SEMA4D: variants seen among roughly 807,000 people sequenced by gnomAD.
SEMA4D encodes semaphorin 4D.
Under a neutral mutation model 74.8 loss-of-function variants are expected in SEMA4D, and 22 were observed. The observed-to-expected ratio is 0.29, with a 90% CI of 0.21 to 0.42. SEMA4D has a LOEUF of 0.42. SEMA4D is among the 10% of genes least tolerant of loss of function. SEMA4D has a pLI of 1.00. For synonymous variants in SEMA4D, 445 were observed against 463.7 expected (o/e 0.96, Z 0.52); for missense variants, 937 against 1,118.4 (o/e 0.84, Z 2.31).
intron 2 of SEMA4D, chr9:89,449,909 C>A: frequency 6.9e-7 from 1 of 1,439,086 alleles, no homozygotes; most frequent in African/African-American, 1.4e-5. Context: ...TGAATGGCTT[C>A]ATCACTAATG....
chr9:89,494,332 C>T (rs1001020788), intron 1 of SEMA4D, among the ~76,000 whole-genome samples: 2 of 152,196 alleles, frequency 1.3e-5, no homozygotes, highest in African/African-American at 4.8e-5. Flanking sequence ...TTCACACACG[C>T]CCCACCCTTT....
intron 1 of SEMA4D, among the ~76,000 whole-genome samples, chr9:89,462,975 G>GGAGCGAGC (rs761199334): frequency 8.6e-6 from 1 of 116,638 alleles, no homozygotes; most frequent in East Asian, 2.1e-4. Flanking sequence ...CGAGGGGAGG[G>GGAGCGAGC]GAGCGAGGGA....
intron 2 of SEMA4D, among the ~76,000 whole-genome samples, chr9:89,454,884 C>T (rs980399626): frequency 6.6e-6 from 1 of 152,238 alleles, no homozygotes; most frequent in Non-Finnish European, 1.5e-5. Flanking sequence ...AGGCGTGTGC[C>T]TAGCACGGGT....
chr9:89,365,536 G>GT, intron 16 of SEMA4D: 1 of 152,268 alleles, frequency 6.6e-6, no homozygotes, highest in East Asian at 1.9e-4. Flanking sequence ...TTGGTCTTTA[G>GT]AAGTTAGATT....
chr9:89,420,928 T>C (rs1338370878), intron 2 of SEMA4D, among the ~76,000 whole-genome samples: 3 of 152,254 alleles, frequency 2.0e-5, no homozygotes, highest in Non-Finnish European at 4.4e-5. Context: ...GTTTAAGCAC[T>C]GGGAGGCATT....
chr9:89,368,082 C>G (rs1037608455), intron 16 of SEMA4D: 1 of 152,516 alleles, frequency 6.6e-6, no homozygotes, highest in Non-Finnish European at 1.5e-5. Flanking sequence ...CTGAGTTGCT[C>G]GGGCCCATCC....
chr9:89,420,888 T>G (rs1398525696), intron 2 of SEMA4D, among the ~76,000 whole-genome samples: 2 of 152,254 alleles, frequency 1.3e-5, no homozygotes, highest in Non-Finnish European at 2.9e-5. Flanking sequence ...CAGTTAATGC[T>G]TCCTAGTGCT....
rs748817564 is a variant in SEMA4D at position 89,402,924 on chromosome 9, G to C, written c.199C>G (p.Arg67Gly). 6.2e-7 allele frequency: 1 copy of C among 1,614,124 alleles called. No individual in the cohort carries two copies. Among genetic ancestry groups the C allele is most frequent in the Admixed American group, 1.7e-5 (1 of 60,028 alleles). Residue 67 changes from arginine (R) to glycine (G), a missense_variant, in exon 4 of 16, where the codon CGG becomes GGG. Coordinates refer to ENST00000422704, the MANE Select transcript of SEMA4D (RefSeq NM_001371194.2). ...EDKDTLYIGA[R>G]EAVFAVNALN... is the part of the protein sequence containing the mutation. ...GCGTTCACAGCGAAGACCGCCTCCC[G>C]GGCACCTATGTACAAGGTGTCCTTG... is the stretch of plus-strand genomic sequence containing the variant.
intron 2 of SEMA4D, chr9:89,450,611 T>G (rs1334496870): frequency 5.0e-6 from 4 of 807,452 alleles, no homozygotes; most frequent in Non-Finnish European, 8.2e-6. Flanking sequence ...AGGTCCAGGA[T>G]GCAGAGCTAA....
intron 1 of SEMA4D, among the ~76,000 whole-genome samples, chr9:89,461,112 G>A (rs530887288): frequency 3.9e-4 from 59 of 151,706 alleles, no homozygotes; most frequent in African/African-American, 1.4e-3. Context: ...AAGAAAATGT[G>A]CATCTCACTG....
rs1406181564 is a variant in SEMA4D at position 89,396,833 on chromosome 9, T to C, written c.318A>G (p.Thr106=). Reference sequence around the variant, plus strand: ...GCACCCGGATGTAGTTGAGGCACTCTGTCTGCAGGGAAGAGAAATGCACCA... The same window carrying C: ...GCACCCGGATGTAGTTGAGGCACTCCGTCTGCAGGGAAGAGAAATGCACCA... ...KCAEKGKSKQ[T]ECLNYIRVLQ... Residue 106 remains threonine (T), a splice_region_variant and synonymous_variant, in exon 6 of 16, where the codon ACA becomes ACG. Transcript: ENST00000422704. 2.5e-6 allele frequency: 4 copies of C among 1,613,036 alleles called. No homozygotes were observed. In the Admixed American group the frequency reaches 6.7e-5, roughly 27 times the overall value.
At chr9:89,375,868 T>C (rs758078666), downstream of SEMA4D, among the ~76,000 whole-genome samples, 8 of 152,246 alleles carry the variant, frequency 5.3e-5, no homozygotes, top group Non-Finnish European at 8.8e-5. Flanking sequence ...GTTTTTATAA[T>C]GATGATGATT....
chr9:89,471,932 GCCAGCTCAGGTGCACA>G (rs1322334986), intron 1 of SEMA4D, among the ~76,000 whole-genome samples: 2 of 151,560 alleles, frequency 1.3e-5, no homozygotes, highest in Non-Finnish European at 2.9e-5. Context: ...TGAGGTGCAT[GCCAGCTCAGGTGCACA>G]CCAACTCAGG....
At chr9:89,437,747 G>A (rs1850774121) in intron 2 of SEMA4D, among the ~76,000 whole-genome samples, 1 of 152,202 alleles carries the variant, frequency 6.6e-6, no homozygotes, top group African/African-American at 2.4e-5. Flanking sequence ...ACAGGTGACA[G>A]CCACACAAAT....
chr9:89,482,810 G>A (rs1275695831), intron 1 of SEMA4D, among the ~76,000 whole-genome samples: 1 of 152,172 alleles, frequency 6.6e-6, no homozygotes, highest in African/African-American at 2.4e-5. Context: ...AAAGAGAAAG[G>A]GGAGAGAGCA....
At chr9:89,467,986 G>A (rs935938254) in intron 1 of SEMA4D, among the ~76,000 whole-genome samples, 1 of 150,800 alleles carries the variant, frequency 6.6e-6, no homozygotes, top group East Asian at 2.0e-4. Flanking sequence ...TTATGCATAC[G>A]TTACACAACC....
At chr9:89,445,596 A>AG (rs1852620671) in intron 2 of SEMA4D, among the ~76,000 whole-genome samples, 2 of 152,154 alleles carry the variant, frequency 1.3e-5, no homozygotes, top group Non-Finnish European at 2.9e-5. Flanking sequence ...AGCAGAACCA[A>AG]TAGGATGTGC....
chr9:89,433,323 A>T (rs1319145962), intron 2 of SEMA4D, among the ~76,000 whole-genome samples: 1 of 152,188 alleles, frequency 6.6e-6, no homozygotes, highest in Non-Finnish European at 1.5e-5. Context: ...GGACTTGCTC[A>T]CTTCCAGGGG....
At chr9:89,392,572 C>A in intron 7 of SEMA4D, 36 bp from the exon 8 acceptor site, 1 of 1,357,926 alleles carries the variant, frequency 7.4e-7, no homozygotes, top group Non-Finnish European at 1.1e-6. Context: ...AAAAGGGAAC[C>A]AACCTCTCAG....
Sources: gnomAD v4.1 joint callset for allele counts (sites outside exome capture counted in the v4.1 genomes callset) on GRCh38, gnomAD v4.1.1 for gene constraint, MANE v1.5 for transcripts, NCBI Gene and HGNC (gene_info 2026-07-23, HGNC 2026-07-21) for gene names.